The following PCDHGA10 variants were observed in gnomAD, a reference collection of about 807,000 sequenced individuals.
The protein encoded by PCDHGA10 is protocadherin gamma subfamily A, 10, also known as protocadherin gamma-A10.
PCDHGA10 carries 42 observed loss-of-function variants against 59.5 expected under a neutral mutation model. That is an observed-to-expected ratio of 0.71 (90% confidence interval 0.55 to 0.91). The LOEUF (loss-of-function observed/expected upper bound fraction) is 0.91. Among genes scored for constraint, PCDHGA10 ranks in the 40% least tolerant of loss-of-function variants. PCDHGA10 has a pLI of 0.00. For synonymous variants in PCDHGA10, 511 were observed against 517.2 expected (o/e 0.99, Z 0.16); for missense variants, 1,111 against 1,198.2 (o/e 0.93, Z 1.07).
chr5:141,486,169 A>T lies in PCDHGA10; in HGVS notation c.2437-8638A>T. On this transcript the variant is annotated intron_variant, in intron 1 of 3. Transcript: ENST00000398610. The surrounding 1 kb of genome is among the most constrained non-coding windows in gnomAD (Gnocchi z 5.0). ...ATGGGGGTTCTCCAGCCATGGAGCA[A>T]CATTGCAGCCTTCGAGTGGATCTGC... 1 of 1,614,206 alleles carries T rather than the reference A, an allele frequency of 6.2e-7. No homozygotes were observed. Among genetic ancestry groups the T allele is most frequent in the Non-Finnish European group, 8.5e-7 (1 of 1,180,032 alleles).
At position 141,476,112 on chromosome 5, in the gene PCDHGA10, G is replaced by A. The variant is rs1201449171; in HGVS notation, c.2437-18695G>A. 2.5e-6 allele frequency: 4 copies of A among 1,590,646 alleles called. No homozygotes were observed. Among genetic ancestry groups the A allele is most frequent in the Non-Finnish European group, 2.6e-6 (3 of 1,170,830 alleles). ...CCCCGCTGAGAGGAACTGCTTTTGA[G>A]TGAGATGGTCCCAGAGGCCTGGAGG... On this transcript the variant is annotated intron_variant, in intron 1 of 3. Transcript: ENST00000398610. The surrounding 1 kb of genome is among the most constrained non-coding windows in gnomAD (Gnocchi z 7.6).
chr5:141,441,737 C>CG, intron 1 of PCDHGA10: 1 of 365,242 alleles, frequency 2.7e-6, no homozygotes, highest in South Asian at 2.2e-5. Flanking sequence ...AGGACTAGCT[C>CG]GCGCTCGGCG....
chr5:141,432,069 A>T lies in PCDHGA10; in HGVS notation c.2436+16458A>T. ...ACCCCGCCCCTATCCACGGAAACTC[A>T]TATCTCGCTGAACGTGGCAGACACC... is the stretch of plus-strand genomic sequence containing the variant. On this transcript the variant is annotated intron_variant, in intron 1 of 3. Coordinates refer to ENST00000398610, the MANE Select transcript of PCDHGA10 (RefSeq NM_018913.3). This position sits in a 1 kb window ranked among gnomAD's most constrained non-coding sequence, Gnocchi z 6.0. The T allele has an allele frequency of 6.2e-7, 1 of 1,614,168 alleles. No homozygotes were observed. The highest frequency in any genetic ancestry group is 8.5e-7 in the Non-Finnish European group (1 of 1,180,038).
chr5:141,429,239 T>C (rs1344971786), intron 1 of PCDHGA10: 1 of 151,802 alleles, frequency 6.6e-6, no homozygotes, highest in East Asian at 1.9e-4. Context: ...ACTGCTGTCA[T>C]TGAGATATTT....
chr5:141,420,009 A>T, intron 1 of PCDHGA10: 1 of 1,614,088 alleles, frequency 6.2e-7, no homozygotes, highest in Non-Finnish European at 8.5e-7. Context: ...CGCCTGCGAC[A>T]GTCTTTCAGC....
At chr5:141,442,701 A>AG (rs1388473196) in intron 1 of PCDHGA10, among the ~76,000 whole-genome samples, 5 of 152,258 alleles carry the variant, frequency 3.3e-5, no homozygotes, top group Non-Finnish European at 7.3e-5. Flanking sequence ...AGACAAGAGT[A>AG]TCAGACATGC....
In PCDHGA10 at chr5:141,433,198, A is replaced by G. The variant is rs373769649; in HGVS notation, c.2436+17587A>G. 11 of 1,581,706 alleles carry G rather than the reference A, an allele frequency of 7.0e-6. No individual in the cohort carries two copies. The African/African-American group carries it at 1.1e-4, about 16-fold the overall frequency. On this transcript the variant is annotated intron_variant, in intron 1 of 3. Coordinates refer to ENST00000398610, the MANE Select transcript of PCDHGA10 (RefSeq NM_018913.3). ...GGTTAATTGAGGTGAGTTTATATCA[A>G]ATCTTCTTTCTTTTTTTTTTTTAAT...
At chr5:141,499,300 C>G (rs2154592463) in intron 2 of PCDHGA10, among the ~76,000 whole-genome samples, 1 of 152,292 alleles carries the variant, frequency 6.6e-6, no homozygotes, top group South Asian at 2.1e-4. Context: ...ACTACCATCC[C>G]TCCTCTGAGA....
chr5:141,466,099 G>A (rs879849411), intron 1 of PCDHGA10, among the ~76,000 whole-genome samples: 2 of 151,938 alleles, frequency 1.3e-5, no homozygotes, highest in Non-Finnish European at 2.9e-5. Context: ...TCCAGCCTGG[G>A]CAACAGAGTG....
At chr5:141,427,526 G>A (rs956426158) in intron 1 of PCDHGA10, 2 of 612,866 alleles carry the variant, frequency 3.3e-6, no homozygotes, top group Middle Eastern at 2.6e-4. Context: ...AGCGGATCCC[G>A]GAGTACAACG....
intron 1 of PCDHGA10, among the ~76,000 whole-genome samples, chr5:141,420,845 G>A (rs1038454602): frequency 6.6e-6 from 1 of 152,200 alleles, no homozygotes; most frequent in African/African-American, 2.4e-5. Flanking sequence ...GGTGTTCTTG[G>A]TAAAGTTTTA....
At position 141,431,782 on chromosome 5, in the gene PCDHGA10, C is replaced by A. The variant is rs767269112; in HGVS notation, c.2436+16171C>A. The A allele has an allele frequency of 6.2e-7, 1 of 1,614,082 alleles. No homozygotes were observed. On this transcript the variant is annotated intron_variant, in intron 1 of 3. Transcript: ENST00000398610. This position sits in a 1 kb window ranked among gnomAD's most constrained non-coding sequence, Gnocchi z 4.8. Reference sequence around the variant, plus strand: ...TCCTGATCACTGTTCTGGACGTGAACGACAATGCCCCAGAAGTGGTCCTCA... The same window carrying A: ...TCCTGATCACTGTTCTGGACGTGAAAGACAATGCCCCAGAAGTGGTCCTCA...
intron 1 of PCDHGA10, among the ~76,000 whole-genome samples, chr5:141,455,419 G>A (rs1462099602): frequency 6.6e-6 from 1 of 152,124 alleles, no homozygotes; most frequent in Non-Finnish European, 1.5e-5. Context: ...AGGGAGCGGG[G>A]CTCCAAAAGA....
chr5:141,470,488 T>A (rs2099231812), intron 1 of PCDHGA10, among the ~76,000 whole-genome samples: 2 of 152,234 alleles, frequency 1.3e-5, no homozygotes, highest in South Asian at 4.1e-4. Flanking sequence ...CCTCTGGGAA[T>A]AATATTAGGT....
intron 1 of PCDHGA10, chr5:141,427,083 C>T: frequency 2.2e-6 from 1 of 458,128 alleles, no homozygotes; most frequent in South Asian, 1.5e-5. Flanking sequence ...AGCCACTGAC[C>T]AGGATGAGGG....
intron 1 of PCDHGA10, chr5:141,419,908 C>T: frequency 1.2e-6 from 2 of 1,613,976 alleles, no homozygotes; most frequent in Non-Finnish European, 1.7e-6. Context: ...CACCCTCTGA[C>T]TCCCAGGCTG....
chr5:141,482,383 G>A (rs1594230401), intron 1 of PCDHGA10, among the ~76,000 whole-genome samples: 2 of 152,240 alleles, frequency 1.3e-5, no homozygotes, highest in East Asian at 3.9e-4. Context: ...TAAAGTCCCT[G>A]TATGGAGCAA....
intron 1 of PCDHGA10, chr5:141,426,612 G>A (rs2096947310): frequency 2.6e-6 from 1 of 384,602 alleles, no homozygotes; most frequent in Non-Finnish European, 5.3e-6. Flanking sequence ...GATTGTAGCA[G>A]AGAATCCTCT....
chr5:141,476,727 G>A lies in PCDHGA10; in HGVS notation c.2437-18080G>A, dbSNP rs762236731. On this transcript the variant is annotated intron_variant, in intron 1 of 3. Coordinates refer to ENST00000398610, the MANE Select transcript of PCDHGA10 (RefSeq NM_018913.3). This position sits in a 1 kb window ranked among gnomAD's most constrained non-coding sequence, Gnocchi z 7.6. ...CTGGTGTTGGAGCGCGCCCTGGACC[G>A]AGAACGGGAGCCTAGTCTCCAGTTA... 5 of 1,614,108 alleles carry A rather than the reference G, an allele frequency of 3.1e-6. No individual in the cohort carries two copies. Among genetic ancestry groups the A allele is most frequent in the Non-Finnish European group, 4.2e-6 (5 of 1,180,032 alleles).
Sources: allele counts gnomAD v4.1 joint callset (sites outside exome capture counted in the v4.1 genomes callset), GRCh38; gene constraint gnomAD v4.1.1; non-coding constraint Gnocchi (gnomAD v3.1); transcripts MANE v1.5; gene names NCBI Gene and HGNC (gene_info 2026-07-23, HGNC 2026-07-21).